NETO2: variants seen among roughly 807,000 people sequenced by gnomAD.
NETO2 encodes neuropilin and tolloid-like protein 2.
Under a neutral mutation model 62.5 loss-of-function variants are expected in NETO2, and 28 were observed. The ratio of observed to expected loss-of-function variants is 0.45; its 90% CI spans 0.33 to 0.61. NETO2 has a LOEUF of 0.61. Ranked by LOEUF, NETO2 falls within the 20% of genes least tolerant of loss-of-function variation. The pLI is 0.02. For synonymous variants in NETO2, 214 were observed against 219.1 expected, an observed-to-expected ratio of 0.98 and a Z score of 0.21; for missense variants, 548 against 643.2, an observed-to-expected ratio of 0.85 and a Z score of 1.60.
At chr16:47,134,769 G>A (rs745643465) in intron 1 of NETO2, among the ~76,000 whole-genome samples, 1 of 152,226 alleles carries the variant, frequency 6.6e-6, no homozygotes, top group Non-Finnish European at 1.5e-5. Context: ...GGGATGAACT[G>A]TGCCAGCACA....
At chr16:47,102,513 C>A (rs906670106) in intron 7 of NETO2, among the ~76,000 whole-genome samples, 1 of 150,514 alleles carries the variant, frequency 6.6e-6, no homozygotes, top group Non-Finnish European at 1.5e-5. Flanking sequence ...CCTACAGAAT[C>A]GGAGAAAATT....
intron 1 of NETO2, among the ~76,000 whole-genome samples, chr16:47,138,032 C>CA (rs1164609968): frequency 2.6e-5 from 4 of 152,180 alleles, no homozygotes; most frequent in African/African-American, 7.2e-5. Flanking sequence ...ATTCTATCTT[C>CA]ATTATAGCTC....
At chr16:47,134,701 C>T (rs536316196) in intron 1 of NETO2, among the ~76,000 whole-genome samples, 10 of 152,280 alleles carry the variant, frequency 6.6e-5, no homozygotes, top group African/African-American at 2.4e-4. Flanking sequence ...AGCCAGCAGA[C>T]AGGGCATGTA....
At position 47,143,744 on chromosome 16, in the gene NETO2, C is replaced by T; in HGVS notation, c.-132G>A. ...GGCCAGCAGCTGCCTCCCCGCTCCCCTGAGGAGAGCTCAGGTCCTGCGGCC... is the reference window on the plus strand; with the variant it reads ...GGCCAGCAGCTGCCTCCCCGCTCCCTTGAGGAGAGCTCAGGTCCTGCGGCC... On this transcript the variant is annotated 5_prime_UTR_variant, in exon 1 of 9. Coordinates refer to ENST00000562435, the MANE Select transcript of NETO2 (RefSeq NM_018092.5). 4 of 1,140,004 alleles carry T rather than the reference C, an allele frequency of 3.5e-6. No homozygotes were observed. Among genetic ancestry groups the T allele is most frequent in the Non-Finnish European group, 3.3e-6 (3 of 911,728 alleles). 70.6% of individuals were successfully genotyped at this position (1,140,004 alleles called of 1,614,324 possible).
At chr16:47,098,703 A>G (rs1963482425) in intron 7 of NETO2, among the ~76,000 whole-genome samples, 1 of 152,160 alleles carries the variant, frequency 6.6e-6, no homozygotes, top group Non-Finnish European at 1.5e-5. Flanking sequence ...CCTTGAGAAG[A>G]GCAACCCCAA....
intron 7 of NETO2, among the ~76,000 whole-genome samples, chr16:47,109,249 T>C (rs933064408): frequency 6.6e-6 from 1 of 152,078 alleles, no homozygotes; most frequent in African/African-American, 2.4e-5. Context: ...AGAGGATCGC[T>C]TGAGCCCAGG....
In NETO2 at chr16:47,103,929, C is replaced by T. The variant is rs143789181; in HGVS notation, c.883+5554G>A. Among the ~76,000 whole-genome samples, 274 of 152,246 alleles carry T rather than the reference C, an allele frequency of 1.8e-3. 2 individuals are homozygous for T. The highest frequency in any genetic ancestry group is 6.1e-3 in the African/African-American group (252 of 41,558). ...AAAAACCCAAAGCTAACATCATAAT[C>T]AGTAGTGAAGGACAGAGCTCCACTA... On this transcript the variant is annotated intron_variant, in intron 7 of 8. Coordinates refer to ENST00000562435, the MANE Select transcript of NETO2 (RefSeq NM_018092.5).
chr16:47,083,405 A>G lies in NETO2; in HGVS notation c.1394T>C (p.Phe465Ser). Residue 465 changes from phenylalanine to serine, a missense_variant, in exon 9 of 9, where the codon TTT (phenylalanine) becomes TCT (serine). By Grantham distance (155) the Phe-to-Ser change is radical. Transcript: ENST00000562435. ...TGTTTTCATTGGCTGTGGTTGTGCA[A>G]AGTCATTTCGGAAAGGAAGTTCCAT... ...SSMELPFRNDFAQPQPMKTFN... is the reference protein window; with the variant it reads ...SSMELPFRNDSAQPQPMKTFN... The G allele has an allele frequency of 6.2e-7, 1 of 1,614,142 alleles. No individual in the cohort carries two copies. Among genetic ancestry groups the G allele is most frequent in the Non-Finnish European group, 8.5e-7 (1 of 1,180,020 alleles).
In NETO2 at chr16:47,132,447, G is replaced by A. The variant is rs148124562; in HGVS notation, c.35-422C>T. ...GTGAAAGTTCAATTAGATTATATCT[G>A]TTTTCTGAGAACATTCTTAATCAAG... On this transcript the variant is annotated intron_variant, in intron 1 of 8. Transcript: ENST00000562435. Among the ~76,000 whole-genome samples, 538 of 152,228 alleles carry A rather than the reference G, an allele frequency of 3.5e-3. 2 individuals carry two copies. Among genetic ancestry groups the A allele is most frequent in the African/African-American group, 0.012 (504 of 41,508 alleles).
intron 7 of NETO2, among the ~76,000 whole-genome samples, chr16:47,106,224 T>G (rs1963671127): frequency 6.6e-6 from 1 of 152,176 alleles, no homozygotes. Flanking sequence ...AAATATTATA[T>G]GATTCTACTA....
chr16:47,079,819 CA>C lies in NETO2; in HGVS notation c.*3401del, dbSNP rs1191434677. ...GTCACTTGCAATAAAGTGACATGAA[CA>C]ATATATAGCAGACCCCATTTTGCAA... On this transcript the variant is annotated 3_prime_UTR_variant, in exon 9 of 9. Coordinates refer to ENST00000562435, the MANE Select transcript of NETO2 (RefSeq NM_018092.5). 6.6e-6 allele frequency: 1 copy of C among 152,144 alleles called. No homozygotes were observed. The highest frequency in any genetic ancestry group is 2.4e-5 in the African/African-American group (1 of 41,420). 9.4% of individuals were successfully genotyped at this position (152,144 alleles called of 1,614,324 possible). A position where few individuals can be genotyped will look rare whatever the true frequency, so the allele number is the denominator to read the frequency against.
At chr16:47,133,344 G>A (rs1224171196) in intron 1 of NETO2, among the ~76,000 whole-genome samples, 2 of 151,888 alleles carry the variant, frequency 1.3e-5, no homozygotes, top group Admixed American at 1.3e-4. Flanking sequence ...GGGAGGCTGA[G>A]GCGAGAGGAT....
chr16:47,112,152 A>C (rs1457953524), intron 6 of NETO2, among the ~76,000 whole-genome samples: 2 of 152,148 alleles, frequency 1.3e-5, no homozygotes, highest in Non-Finnish European at 2.9e-5. Context: ...TGCCAGGCTC[A>C]AGTGATCCTT....
At position 47,099,570 on chromosome 16, in the gene NETO2, CAT is replaced by C. The variant is rs1240168329; in HGVS notation, c.883+9911_883+9912del. Among the ~76,000 whole-genome samples, 5 of 151,948 alleles carry C rather than the reference CAT, an allele frequency of 3.3e-5. 1 individual carries two copies. Among genetic ancestry groups the C allele is most frequent in the African/African-American group, 1.2e-4 (5 of 41,334 alleles). ...TGTGCTGTATTTAGGAGATCCATCT[CAT>C]GTGCAAAGACATACATAGGCTCAAA... On this transcript the variant is annotated intron_variant, in intron 7 of 8. Coordinates refer to ENST00000562435, the MANE Select transcript of NETO2 (RefSeq NM_018092.5).
At chr16:47,098,776 G>A (rs931429219) in intron 7 of NETO2, among the ~76,000 whole-genome samples, 6 of 152,200 alleles carry the variant, frequency 3.9e-5, no homozygotes, top group African/African-American at 1.4e-4. Flanking sequence ...GGCAGCCAGA[G>A]AGAAAGGTCG....
chr16:47,086,320 A>G lies in NETO2; in HGVS notation c.903T>C (p.Thr301=). The change falls in exon 8 of 9, where the codon ACT becomes ACC. Residue 301 remains threonine (T), a synonymous_variant. Coordinates refer to ENST00000562435, the MANE Select transcript of NETO2 (RefSeq NM_018092.5). ...TGCACATGTTGCTATGGCAAAAGAA[A>G]GTGCTGCTTGTGCAGGGAGCTGCAG... ...SFVEPPCTSS[T]FFCHSNMCIN... 2 of 1,613,830 alleles carry G rather than the reference A, an allele frequency of 1.2e-6. No homozygotes were observed. The highest frequency in any genetic ancestry group is 1.7e-6 in the Non-Finnish European group (2 of 1,179,786).
chr16:47,101,569 A>G (rs1171488415), intron 7 of NETO2, among the ~76,000 whole-genome samples: 1 of 152,240 alleles, frequency 6.6e-6, no homozygotes, highest in East Asian at 1.9e-4. Flanking sequence ...CTTAAAGCTG[A>G]TAAGCAACTT....
At chr16:47,104,156 G>A (rs866188442) in intron 7 of NETO2, among the ~76,000 whole-genome samples, 5 of 151,734 alleles carry the variant, frequency 3.3e-5, no homozygotes, top group African/African-American at 9.7e-5. Context: ...CCACACCCCC[G>A]TTAGAGCTAA....
At chr16:47,101,279 G>A (rs375354318) in intron 7 of NETO2, among the ~76,000 whole-genome samples, 64 of 152,224 alleles carry the variant, frequency 4.2e-4, no homozygotes, top group African/African-American at 1.3e-3. Flanking sequence ...TTGATGGAAC[G>A]TATCTCCAAA....
Sources: allele counts gnomAD v4.1 joint callset (sites outside exome capture counted in the v4.1 genomes callset), GRCh38; gene constraint gnomAD v4.1.1; transcripts MANE v1.5; gene names NCBI Gene and HGNC (gene_info 2026-07-23, HGNC 2026-07-21).